PPARG: variants seen among roughly 807,000 people sequenced by gnomAD.
PPARG encodes the protein peroxisome proliferator activated receptor gamma.
PPARG carries 17 observed loss-of-function variants against 39.2 expected under a neutral mutation model. The ratio of observed to expected loss-of-function variants is 0.43; its 90% CI spans 0.30 to 0.65. PPARG has a LOEUF of 0.65. Among genes scored for constraint, PPARG ranks in the 30% least tolerant of loss-of-function variants. The pLI is 0.13. For missense variants in PPARG, 406 were observed against 585.9 expected (o/e 0.69, Z 3.17); for synonymous variants, 223 against 215.7 (o/e 1.03, Z -0.30).
intron 5 of PPARG, among the ~76,000 whole-genome samples, chr3:12,393,694 T>C (rs997698372): frequency 1.3e-5 from 2 of 152,142 alleles, no homozygotes; most frequent in Non-Finnish European, 2.9e-5. Context: ...TTTCTTTCTT[T>C]TGTTTTCATC....
Position 12,318,208 on chromosome 3 carries a change from A to G in PPARG, c.-9+5755A>G, listed in dbSNP as rs557631513. ...AGACTGGTCTCAAACGTCTGGCCTC[A>G]AGCAATCCTCCTGCCTTGGCCTCCC... is the stretch of plus-strand genomic sequence containing the variant. On this transcript the variant is annotated intron_variant, in intron 2 of 7. Coordinates refer to ENST00000651735, the MANE Select transcript of PPARG (RefSeq NM_138711.6). Among the ~76,000 whole-genome samples the G allele has an allele frequency of 3.0e-4, 45 of 152,292 alleles. No individual in the cohort carries two copies. In the South Asian group the frequency reaches 9.3e-3, roughly 32 times the overall value.
At chr3:12,406,642 C>G (rs1029404752) in intron 6 of PPARG, 1 of 154,214 alleles carries the variant, frequency 6.5e-6, no homozygotes, top group Non-Finnish European at 1.4e-5. Context: ...CAGGTTAAAG[C>G]GATTATCATG....
intron 2 of PPARG, among the ~76,000 whole-genome samples, chr3:12,376,492 C>A (rs780651872): frequency 3.3e-5 from 5 of 152,118 alleles, no homozygotes; most frequent in Non-Finnish European, 7.4e-5. Flanking sequence ...CTCCATAAGC[C>A]TGTTTCATCA....
intron 2 of PPARG, among the ~76,000 whole-genome samples, chr3:12,322,445 G>A (rs1034339560): frequency 5.9e-5 from 9 of 152,132 alleles, no homozygotes; most frequent in African/African-American, 2.2e-4. Flanking sequence ...ACAACTGAAA[G>A]AATTAAATAA....
chr3:12,350,140 A>G (rs2048438240), intron 2 of PPARG, among the ~76,000 whole-genome samples: 1 of 152,192 alleles, frequency 6.6e-6, no homozygotes, highest in African/African-American at 2.4e-5. Context: ...GGAAAGGAGA[A>G]GCTCCTTTAT....
At chr3:12,315,696 C>G (rs1181115093) in intron 2 of PPARG, among the ~76,000 whole-genome samples, 1 of 152,202 alleles carries the variant, frequency 6.6e-6, no homozygotes, top group Non-Finnish European at 1.5e-5. Context: ...ATCCCTACCT[C>G]TACAAGTCTG....
At position 12,322,437 on chromosome 3, in the gene PPARG, A is replaced by C. The variant is rs1231363362; in HGVS notation, c.-9+9984A>C. On this transcript the variant is annotated intron_variant, in intron 2 of 7. Transcript: ENST00000651735. ...GTCTTGTTTCAAAGACAATACCTAC[A>C]ACTGAAAGAATTAAATAATAGAGCC... Among the ~76,000 whole-genome samples the C allele has an allele frequency of 3.9e-5, 6 of 152,366 alleles. No homozygotes were observed. In the East Asian group the frequency reaches 9.6e-4, roughly 24 times the overall value.
chr3:12,288,573 C>T (rs901570641), upstream of PPARG, among the ~76,000 whole-genome samples: 5 of 152,058 alleles, frequency 3.3e-5, no homozygotes, highest in African/African-American at 1.2e-4. Flanking sequence ...TGCGTCCGTC[C>T]TGAGGCCGCG....
intron 2 of PPARG, among the ~76,000 whole-genome samples, chr3:12,325,668 A>AT (rs1362314742): frequency 1.5e-3 from 207 of 142,688 alleles, no homozygotes; most frequent in Non-Finnish European, 1.7e-3. Context: ...CTCCACTTTG[A>AT]TTTTTTTTTT....
chr3:12,389,145 G>A (rs2049980936), intron 4 of PPARG, among the ~76,000 whole-genome samples: 1 of 152,144 alleles, frequency 6.6e-6, no homozygotes, highest in South Asian at 2.1e-4. Flanking sequence ...ATGAACTTTA[G>A]TGAGAAATGT....
Position 12,434,245 on chromosome 3 carries a change from A to T in PPARG, c.*100A>T. ...GAAATTTACTGTGAAAAAGCATTTT[A>T]AAAAGAAAAGGTTTTAGAATATGAT... On this transcript the variant is annotated 3_prime_UTR_variant, in exon 8 of 8. Transcript: ENST00000651735. The surrounding 1 kb of genome is among the most constrained non-coding windows in gnomAD (Gnocchi z 4.2). 6.7e-7 allele frequency: 1 copy of T among 1,481,792 alleles called. No individual in the cohort carries two copies. Among genetic ancestry groups the T allele is most frequent in the South Asian group, 1.2e-5 (1 of 84,006 alleles). 91.8% of individuals were successfully genotyped at this position (1,481,792 alleles called of 1,614,324 possible).
At chr3:12,381,648 G>A (rs1397803127) in intron 4 of PPARG, among the ~76,000 whole-genome samples, 157 bp downstream of exon 4, 6 of 152,082 alleles carry the variant, frequency 3.9e-5, no homozygotes, top group Non-Finnish European at 7.4e-5. Context: ...TGCTATCCTA[G>A]CACACTGCAG....
intron 7 of PPARG, among the ~76,000 whole-genome samples, chr3:12,431,206 T>G (rs1487397779): frequency 6.6e-6 from 1 of 152,104 alleles, no homozygotes; most frequent in East Asian, 1.9e-4. Flanking sequence ...ACTTAGAGAT[T>G]AGAAAACAAA....
intron 2 of PPARG, among the ~76,000 whole-genome samples, chr3:12,319,550 A>G (rs1340081617): frequency 6.6e-6 from 1 of 152,230 alleles, no homozygotes; most frequent in African/African-American, 2.4e-5. Context: ...ATGACTAATA[A>G]ACCACAAAAT....
chr3:12,391,248 G>A lies in PPARG; in HGVS notation c.391-1366G>A, dbSNP rs146294199. Among the ~76,000 whole-genome samples the A allele has an allele frequency of 1.9e-3, 283 of 152,306 alleles. 1 individual carries two copies. The highest frequency in any genetic ancestry group is 6.4e-3 in the African/African-American group (268 of 41,564). On this transcript the variant is annotated intron_variant, in intron 4 of 7. Coordinates refer to ENST00000651735, the MANE Select transcript of PPARG (RefSeq NM_138711.6). ...ACTTATAATTTTAATTGAGCAGTGA[G>A]GGAGGGGCAGAAAATAAACACTAAA...
intron 2 of PPARG, among the ~76,000 whole-genome samples, chr3:12,329,612 A>G (rs1019620642): frequency 1.3e-5 from 2 of 152,182 alleles, no homozygotes; most frequent in East Asian, 1.9e-4. Flanking sequence ...TGCCCATTCT[A>G]TCATTTTTTT....
intron 2 of PPARG, among the ~76,000 whole-genome samples, chr3:12,316,894 G>A (rs941542104): frequency 6.6e-6 from 1 of 152,070 alleles, no homozygotes; most frequent in African/African-American, 2.4e-5. Flanking sequence ...TAAGACAAAT[G>A]AATCTATGAA....
chr3:12,324,319 G>A (rs936484455), intron 2 of PPARG, among the ~76,000 whole-genome samples: 5 of 151,916 alleles, frequency 3.3e-5, no homozygotes, highest in African/African-American at 4.8e-5. Context: ...AGACACAGAC[G>A]ATGTGAGAAA....
intron 2 of PPARG, among the ~76,000 whole-genome samples, chr3:12,341,106 C>T (rs564465561): frequency 1.3e-5 from 2 of 152,006 alleles, no homozygotes; most frequent in Admixed American, 6.5e-5. Flanking sequence ...TCGCTTGAAC[C>T]TGGGAGGTGG....
Sources: gnomAD v4.1 joint callset for allele counts (sites outside exome capture counted in the v4.1 genomes callset) on GRCh38, gnomAD v4.1.1 for gene constraint, Gnocchi (gnomAD v3.1) non-coding constraint, MANE v1.5 for transcripts, NCBI Gene and HGNC (gene_info 2026-07-23, HGNC 2026-07-21) for gene names.